The following PPP3R1 variants were observed in gnomAD, a reference collection of about 807,000 sequenced individuals.
The protein encoded by PPP3R1 is protein phosphatase 3 regulatory subunit B, alpha, also known as calcineurin subunit B type 1.
Under a neutral mutation model 22.6 loss-of-function variants are expected in PPP3R1, and 5 were observed. The ratio of observed to expected loss-of-function variants is 0.22; its 90% CI spans 0.12 to 0.46. The LOEUF (loss-of-function observed/expected upper bound fraction) is 0.46. Among genes scored for constraint, PPP3R1 ranks in the 20% least tolerant of loss-of-function variants. PPP3R1 has a pLI of 0.99. For synonymous variants in PPP3R1, 56 were observed against 65.2 expected (o/e 0.86, Z 0.68); for missense variants, 61 against 203.2 (o/e 0.30, Z 4.25).
chr2:68,194,926 G>A (rs1262144521), intron 2 of PPP3R1, among the ~76,000 whole-genome samples: 1 of 152,108 alleles, frequency 6.6e-6, no homozygotes, highest in Non-Finnish European at 1.5e-5. Context: ...TTAAAACAAA[G>A]CAAGTATCTC....
intron 2 of PPP3R1, among the ~76,000 whole-genome samples, chr2:68,207,780 T>C (rs1327276351): frequency 6.6e-6 from 1 of 152,220 alleles, no homozygotes; most frequent in Admixed American, 6.5e-5. Context: ...AGTGGAGGAA[T>C]AATTCACGTC....
At chr2:68,237,315 C>A (rs868461369) in intron 1 of PPP3R1, among the ~76,000 whole-genome samples, 1 of 152,070 alleles carries the variant, frequency 6.6e-6, no homozygotes, top group Non-Finnish European at 1.5e-5. Flanking sequence ...TAATTACCTA[C>A]GCCAATACTC....
chr2:68,198,291 A>G lies in PPP3R1; in HGVS notation c.44-9601T>C, dbSNP rs963663407. On this transcript the variant is annotated intron_variant, in intron 2 of 5. Coordinates refer to ENST00000234310, the MANE Select transcript of PPP3R1 (RefSeq NM_000945.4). ...CATATGTGTATGCATGTATGTGTAT[A>G]CACATGTATACATGTATACATATAT... Among the ~76,000 whole-genome samples, 17 of 139,498 alleles carry G rather than the reference A, an allele frequency of 1.2e-4. 2 individuals carry two copies. Among genetic ancestry groups the G allele is most frequent in the East Asian group, 3.9e-4 (2 of 5,064 alleles). The allele number at this position is 139,498 out of a possible 152,430, so 91.5% of individuals were successfully genotyped here.
intron 1 of PPP3R1, among the ~76,000 whole-genome samples, chr2:68,232,851 C>T (rs565369231): frequency 3.3e-5 from 5 of 152,272 alleles, no homozygotes; most frequent in South Asian, 4.1e-4. Context: ...AGGTGATCCA[C>T]CCACCTCAGC....
At chr2:68,214,271 G>C (rs1669536238) in intron 2 of PPP3R1, among the ~76,000 whole-genome samples, 1 of 151,946 alleles carries the variant, frequency 6.6e-6, no homozygotes, top group Admixed American at 6.6e-5. Context: ...TTGCAACAAA[G>C]ACAAAAACTG....
chr2:68,248,874 G>A (rs1369600571), intron 1 of PPP3R1, among the ~76,000 whole-genome samples: 1 of 152,092 alleles, frequency 6.6e-6, no homozygotes, highest in African/African-American at 2.4e-5. Context: ...CTCATCACAT[G>A]CTAACTTACT....
intron 5 of PPP3R1, among the ~76,000 whole-genome samples, chr2:68,184,915 CCT>C (rs1407484497): frequency 2.6e-5 from 4 of 152,044 alleles, no homozygotes; most frequent in Admixed American, 6.6e-5. Context: ...TAGCGAGACC[CCT>C]GTCTACAAAA....
intron 2 of PPP3R1, among the ~76,000 whole-genome samples, chr2:68,202,927 C>T (rs145379215): frequency 1.3e-5 from 2 of 151,250 alleles, no homozygotes; most frequent in African/African-American, 2.4e-5. Flanking sequence ...CTCAGCCTCC[C>T]GAGTAGCTGG....
intron 5 of PPP3R1, among the ~76,000 whole-genome samples, chr2:68,184,588 A>G (rs1034243343): frequency 1.3e-5 from 2 of 152,222 alleles, no homozygotes; most frequent in Admixed American, 6.5e-5. Context: ...TGAAAATTTT[A>G]AAGTACATAT....
intron 2 of PPP3R1, among the ~76,000 whole-genome samples, chr2:68,208,864 A>G (rs970075714): frequency 2.0e-5 from 3 of 151,762 alleles, no homozygotes; most frequent in Non-Finnish European, 4.4e-5. Flanking sequence ...TGGAGGCTGC[A>G]GTGAGCCGAG....
intron 2 of PPP3R1, among the ~76,000 whole-genome samples, chr2:68,203,827 G>A (rs533383151): frequency 6.6e-6 from 1 of 152,182 alleles, no homozygotes; most frequent in Non-Finnish European, 1.5e-5. Context: ...AACAGAAACA[G>A]CGTTCTAACG....
At chr2:68,219,446 G>A (rs761150042) in intron 1 of PPP3R1, among the ~76,000 whole-genome samples, 3 of 152,006 alleles carry the variant, frequency 2.0e-5, no homozygotes, top group East Asian at 1.9e-4. Flanking sequence ...ACCCCCTCAC[G>A]TTCAGCTTCT....
chr2:68,233,636 AT>A (rs902346634), intron 1 of PPP3R1, among the ~76,000 whole-genome samples: 2 of 150,572 alleles, frequency 1.3e-5, no homozygotes, highest in African/African-American at 2.4e-5. Flanking sequence ...AATCGCAGTA[AT>A]TTTTTTTTTA....
rs1458977896 is a variant in PPP3R1, at chr2:68,179,011, A to AG, written c.*1951_*1952insC. The stretch of plus-strand genomic sequence containing the variant: ...CACACAAACTAAAAAAAAAAAAAAA[A>AG]AAAAAGAAAAAGAAAAAACCCTCAT... On this transcript the variant is annotated 3_prime_UTR_variant, in exon 6 of 6. Coordinates refer to ENST00000234310, the MANE Select transcript of PPP3R1 (RefSeq NM_000945.4). 2.6e-5 allele frequency: 4 copies of AG among 151,112 alleles called. No homozygotes were observed. The highest frequency in any genetic ancestry group is 1.5e-5 in the Non-Finnish European group (1 of 67,682). 9.4% of individuals were successfully genotyped at this position (151,112 alleles called of 1,614,324 possible).
intron 2 of PPP3R1, among the ~76,000 whole-genome samples, chr2:68,211,867 A>T (rs1329370589): frequency 6.6e-6 from 1 of 152,184 alleles, no homozygotes; most frequent in Non-Finnish European, 1.5e-5. Context: ...GCAGCAAATC[A>T]GCCACATTTT....
At chr2:68,189,676 T>C (rs1447419814) in intron 2 of PPP3R1, among the ~76,000 whole-genome samples, 1 of 152,122 alleles carries the variant, frequency 6.6e-6, no homozygotes, top group Non-Finnish European at 1.5e-5. Flanking sequence ...CAGACCAGCC[T>C]GGCCAACATG....
intron 2 of PPP3R1, among the ~76,000 whole-genome samples, chr2:68,195,629 T>C (rs1316946215): frequency 6.6e-6 from 1 of 152,164 alleles, no homozygotes; most frequent in Admixed American, 6.5e-5. Flanking sequence ...TACCGTGGTA[T>C]TTGCCTAATG....
chr2:68,237,250 A>C (rs1572976184), intron 1 of PPP3R1, among the ~76,000 whole-genome samples: 1 of 152,290 alleles, frequency 6.6e-6, no homozygotes, highest in South Asian at 2.1e-4. Flanking sequence ...CCAGTAGTTC[A>C]ATTGATTCCT....
intron 2 of PPP3R1, among the ~76,000 whole-genome samples, chr2:68,193,413 G>A (rs1396397325): frequency 3.3e-5 from 5 of 152,172 alleles, no homozygotes; most frequent in Admixed American, 6.5e-5. Flanking sequence ...TTACGATGAT[G>A]AGTAAGATGG....
Sources: allele counts gnomAD v4.1 joint callset (sites outside exome capture counted in the v4.1 genomes callset), GRCh38; gene constraint gnomAD v4.1.1; transcripts MANE v1.5; gene names NCBI Gene and HGNC (gene_info 2026-07-23, HGNC 2026-07-21).